Variants in APP observed in about 807,000 individuals in gnomAD.
The protein encoded by APP is amyloid-beta precursor protein.
Under a neutral mutation model 101.4 loss-of-function variants are expected in APP, and 31 were observed. The observed-to-expected ratio is 0.31, with a 90% CI of 0.23 to 0.41. The LOEUF (loss-of-function observed/expected upper bound fraction) is 0.41. Ranked by LOEUF, APP falls within the 10% of genes least tolerant of loss-of-function variation. The pLI, the probability that APP is intolerant of heterozygous loss-of-function variation, is 1.00. For synonymous variants in APP, 366 were observed against 364.4 expected (o/e 1.00, Z -0.05); for missense variants, 839 against 1,003.7 (o/e 0.84, Z 2.22).
At chr21:26,016,181 C>A (rs909604228) in intron 6 of APP, among the ~76,000 whole-genome samples, 2 of 152,120 alleles carry the variant, frequency 1.3e-5, no homozygotes, top group African/African-American at 2.4e-5. Flanking sequence ...TGGGCACGCG[C>A]CACCATGCCT....
chr21:25,946,483 T>C (rs2040826819), intron 13 of APP, among the ~76,000 whole-genome samples: 3 of 152,046 alleles, frequency 2.0e-5, no homozygotes. Flanking sequence ...CTGGGAAACA[T>C]GGTAAAACCC....
chr21:26,058,025 T>C (rs911657580), intron 3 of APP, among the ~76,000 whole-genome samples: 6 of 152,202 alleles, frequency 3.9e-5, no homozygotes. Flanking sequence ...GGTAGGATTA[T>C]GTATCTCACC....
intron 13 of APP, among the ~76,000 whole-genome samples, chr21:25,952,191 T>TACAC (rs57270357): frequency 0.038 from 5,371 of 139,908 alleles, 103 homozygotes; most frequent in Middle Eastern, 0.067. Flanking sequence ...ATTACATACA[T>TACAC]ACACACACAC....
intron 13 of APP, among the ~76,000 whole-genome samples, chr21:25,913,668 C>A (rs1021250966): frequency 6.6e-6 from 1 of 152,196 alleles, no homozygotes; most frequent in African/African-American, 2.4e-5. Context: ...CCAGGGGCTA[C>A]GCTGTTCTTG....
In APP at chr21:26,093,563, G is replaced by C. The variant is rs148326270; in HGVS notation, c.226-3491C>G. 1.2e-4 allele frequency among the ~76,000 whole-genome samples: 18 copies of C among 152,296 alleles called. No individual in the cohort carries two copies. In the East Asian group the frequency reaches 3.3e-3, roughly 28 times the overall value. ...TCAGATTCCTATGGTAATAGTTGGT[G>C]CAACAGGGCAGTAACTGATTAGGTT... On this transcript the variant is annotated intron_variant, in intron 2 of 17. Coordinates refer to ENST00000346798, the MANE Select transcript of APP (RefSeq NM_000484.4).
Position 26,168,442 on chromosome 21 carries a change from C to T in APP, c.57+2122G>A, listed in dbSNP as rs142529275. The stretch of plus-strand genomic sequence containing the variant: ...TGGCATAATGTGAATCTCACCTCCA[C>T]CCTTTAAAGGAGTTAACAATAGCTA... On this transcript the variant is annotated intron_variant, in intron 1 of 17. Coordinates refer to ENST00000346798, the MANE Select transcript of APP (RefSeq NM_000484.4). Among the ~76,000 whole-genome samples, 422 of 152,292 alleles carry T rather than the reference C, an allele frequency of 2.8e-3. 1 individual carries two copies. The highest frequency in any genetic ancestry group is 9.9e-3 in the African/African-American group (412 of 41,558).
At chr21:26,130,549 G>A (rs2062773621) in intron 1 of APP, among the ~76,000 whole-genome samples, 1 of 152,224 alleles carries the variant, frequency 6.6e-6, no homozygotes, top group Non-Finnish European at 1.5e-5. Flanking sequence ...TACCAGCACT[G>A]AGAATCAAGT....
At chr21:25,964,157 T>C (rs1401340945) in intron 11 of APP, among the ~76,000 whole-genome samples, 2 of 152,214 alleles carry the variant, frequency 1.3e-5, no homozygotes, top group Non-Finnish European at 2.9e-5. Flanking sequence ...GGTATCCGGT[T>C]TGCTGATGCG....
chr21:26,075,449 T>C (rs573785369), intron 3 of APP, among the ~76,000 whole-genome samples: 1 of 152,330 alleles, frequency 6.6e-6, no homozygotes, highest in East Asian at 1.9e-4. Flanking sequence ...CCCTACAAGT[T>C]TGCTAGTAAA....
At chr21:26,123,715 T>A (rs1426275340) in intron 1 of APP, among the ~76,000 whole-genome samples, 2 of 152,138 alleles carry the variant, frequency 1.3e-5, no homozygotes, top group Non-Finnish European at 2.9e-5. Flanking sequence ...TTGACTATAT[T>A]TATAAAAAAT....
intron 1 of APP, 91 bp downstream of exon 1, chr21:26,170,473 T>C (rs2146415510): frequency 7.3e-7 from 1 of 1,365,190 alleles, no homozygotes; most frequent in East Asian, 2.8e-5. Flanking sequence ...GACCCCCGGC[T>C]TCTCTGCATT....
At chr21:26,074,601 AT>A (rs2146047789) in intron 3 of APP, among the ~76,000 whole-genome samples, 1 of 152,238 alleles carries the variant, frequency 6.6e-6, no homozygotes, top group East Asian at 1.9e-4. Context: ...AAATACAAAA[AT>A]TAGCCAGGCA....
Position 25,883,545 on chromosome 21 carries a change from T to C in APP, c.2212-1774A>G, listed in dbSNP as rs142617087. Among the ~76,000 whole-genome samples the C allele has an allele frequency of 6.9e-4, 105 of 152,002 alleles. 1 individual carries two copies. The highest frequency in any genetic ancestry group is 2.3e-3 in the African/African-American group (96 of 41,468). On this transcript the variant is annotated intron_variant, in intron 17 of 17. Transcript: ENST00000346798. ...TCTTTAACAAAAATACAAAAAAATT[T>C]AGCCAGGCACAGTAGCACGTGCCTG...
At chr21:25,951,513 A>G (rs186733882) in intron 13 of APP, among the ~76,000 whole-genome samples, 1 of 152,186 alleles carries the variant, frequency 6.6e-6, no homozygotes, top group Non-Finnish European at 1.5e-5. Flanking sequence ...ATTTTTAGGG[A>G]CTTTAAAATT....
chr21:26,041,191 C>A lies in APP; in HGVS notation c.662+9809G>T, dbSNP rs59455528. Among the ~76,000 whole-genome samples the A allele has an allele frequency of 1.8e-3, 267 of 152,296 alleles. 7 individuals are homozygous for A. In the East Asian group the frequency reaches 0.044, roughly 25 times the overall value. ...TAAGCCACATGGCTCCCAAGTAAAG[C>A]CAACAGTTTTTGGCTTGATATGCTA... On this transcript the variant is annotated intron_variant, in intron 5 of 17. Transcript: ENST00000346798.
chr21:25,950,467 G>A (rs1048765087), intron 13 of APP, among the ~76,000 whole-genome samples: 7 of 145,414 alleles, frequency 4.8e-5, no homozygotes, highest in African/African-American at 1.5e-4. Context: ...TGCAACCTCT[G>A]CCTCCCGAGT....
At chr21:25,986,022 G>C (rs1000898037) in intron 8 of APP, among the ~76,000 whole-genome samples, 1 of 152,190 alleles carries the variant, frequency 6.6e-6, no homozygotes, top group African/African-American at 2.4e-5. Context: ...GGTGGAGTAT[G>C]TCCAGAGAGC....
At chr21:26,036,829 CT>C (rs1259582859) in intron 5 of APP, among the ~76,000 whole-genome samples, 1 of 152,180 alleles carries the variant, frequency 6.6e-6, no homozygotes, top group African/African-American at 2.4e-5. Context: ...AATCCCACTA[CT>C]GGGCATTTAT....
intron 11 of APP, among the ~76,000 whole-genome samples, chr21:25,967,081 C>G (rs746247161): frequency 1.5e-4 from 23 of 152,196 alleles, no homozygotes; most frequent in Admixed American, 2.0e-4. Context: ...TCACAGAATT[C>G]ATGTTCTATC....
Sources: allele counts gnomAD v4.1 joint callset (sites outside exome capture counted in the v4.1 genomes callset), GRCh38; gene constraint gnomAD v4.1.1; transcripts MANE v1.5; gene names NCBI Gene and HGNC (gene_info 2026-07-23, HGNC 2026-07-21).